Variants in CCDC158 observed in about 807,000 individuals in gnomAD.
The protein encoded by CCDC158 is coiled-coil domain-containing protein 158.
CCDC158 carries 116 observed loss-of-function variants against 138.6 expected under a neutral mutation model. The ratio of observed to expected loss-of-function variants is 0.84; its 90% CI spans 0.72 to 0.98. The LOEUF (loss-of-function observed/expected upper bound fraction) is 0.98. Ranked by LOEUF, CCDC158 falls within the 50% of genes least tolerant of loss-of-function variation. The probability of loss-of-function intolerance (pLI) is 0.00; values close to 1 mark genes in which losing one functional copy is unlikely to be tolerated. For synonymous variants in CCDC158, 436 were observed against 442.4 expected (o/e 0.99, Z 0.18); for missense variants, 1,265 against 1,306.1 (o/e 0.97, Z 0.48).
intron 4 of CCDC158, among the ~76,000 whole-genome samples, chr4:76,388,132 T>G (rs1390272274): frequency 6.6e-6 from 1 of 152,070 alleles, no homozygotes; most frequent in Non-Finnish European, 1.5e-5. Flanking sequence ...GCTTCCGGGG[T>G]GACCTAGCAC....
intron 24 of CCDC158, among the ~76,000 whole-genome samples, chr4:76,321,990 G>A (rs1199684167): frequency 2.0e-5 from 3 of 151,612 alleles, no homozygotes; most frequent in South Asian, 2.1e-4. Context: ...TACGATGGAC[G>A]TTGAGGACTT....
chr4:76,413,910 T>A (rs1033859212), intron 1 of CCDC158, among the ~76,000 whole-genome samples: 1 of 152,220 alleles, frequency 6.6e-6, no homozygotes, highest in African/African-American at 2.4e-5. Flanking sequence ...TGGCTCTAGA[T>A]AAATTAGAAT....
intron 22 of CCDC158, among the ~76,000 whole-genome samples, chr4:76,328,681 G>A (rs1720744732): frequency 6.6e-6 from 1 of 152,184 alleles, no homozygotes; most frequent in Admixed American, 6.5e-5. Context: ...AGCAACATAA[G>A]GGAACAGGGC....
At chr4:76,392,656 A>G (rs1295700418) in intron 4 of CCDC158, among the ~76,000 whole-genome samples, 4 of 152,060 alleles carry the variant, frequency 2.6e-5, no homozygotes, top group Non-Finnish European at 5.9e-5. Flanking sequence ...ACATAGAGAA[A>G]GAAAGAAAGG....
At chr4:76,345,023 A>G in intron 18 of CCDC158, 1 of 1,380,356 alleles carries the variant, frequency 7.2e-7, no homozygotes, top group South Asian at 1.2e-5. Flanking sequence ...GAACTTCCTT[A>G]CTAATTATTA....
At chr4:76,328,565 T>C (rs1720733208) in intron 22 of CCDC158, among the ~76,000 whole-genome samples, 1 of 152,212 alleles carries the variant, frequency 6.6e-6, no homozygotes, top group Non-Finnish European at 1.5e-5. Context: ...ATAACAGGCA[T>C]GAGCCATCAC....
chr4:76,420,943 C>T (rs915740307), intron 1 of CCDC158, among the ~76,000 whole-genome samples, 22 bp downstream of exon 1: 3 of 152,170 alleles, frequency 2.0e-5, no homozygotes, highest in African/African-American at 7.2e-5. Context: ...TCCTCGTCTC[C>T]CGGGCCGCGC....
intron 8 of CCDC158, among the ~76,000 whole-genome samples, chr4:76,379,965 G>A (rs111253046): frequency 1.3e-4 from 20 of 151,996 alleles, no homozygotes; most frequent in East Asian, 5.8e-4. Flanking sequence ...TTCCTGCTCC[G>A]CCATGGTAAG....
intron 2 of CCDC158, among the ~76,000 whole-genome samples, chr4:76,409,804 C>A (rs1729146751): frequency 6.6e-6 from 1 of 151,624 alleles, no homozygotes; most frequent in Non-Finnish European, 1.5e-5. Flanking sequence ...GCACTCCAGC[C>A]TGGGTGACAG....
chr4:76,337,973 T>C (rs999035864), intron 18 of CCDC158, among the ~76,000 whole-genome samples: 1 of 151,990 alleles, frequency 6.6e-6, no homozygotes, highest in Non-Finnish European at 1.5e-5. Flanking sequence ...AGGTGAGTGA[T>C]GGGAGAGTGA....
At chr4:76,361,333 C>T (rs1195876647) in intron 13 of CCDC158, among the ~76,000 whole-genome samples, 1 of 152,186 alleles carries the variant, frequency 6.6e-6, no homozygotes, top group East Asian at 1.9e-4. Context: ...GAGGCTGAGG[C>T]AGGTGGATCA....
At chr4:76,341,008 C>T (rs1721998031) in intron 18 of CCDC158, among the ~76,000 whole-genome samples, 1 of 152,138 alleles carries the variant, frequency 6.6e-6, no homozygotes, top group African/African-American at 2.4e-5. Context: ...CAAGCTTATA[C>T]AATAAGTTGT....
At chr4:76,344,668 T>C (rs1002047876) in intron 18 of CCDC158, 4 of 1,612,826 alleles carry the variant, frequency 2.5e-6, no homozygotes, top group Admixed American at 3.3e-5. Context: ...ACACTGCCCA[T>C]GTTTCAGAGC....
At chr4:76,409,914 A>G (rs1190723166) in intron 2 of CCDC158, among the ~76,000 whole-genome samples, 1 of 151,950 alleles carries the variant, frequency 6.6e-6, no homozygotes, top group East Asian at 1.9e-4. Flanking sequence ...TGTTGCCAAA[A>G]AAAAAAAGGT....
At chr4:76,324,243 A>C (rs1720316142) in intron 23 of CCDC158, among the ~76,000 whole-genome samples, 1 of 150,304 alleles carries the variant, frequency 6.7e-6, no homozygotes, top group Non-Finnish European at 1.5e-5. Flanking sequence ...GCTGGAGTGC[A>C]ATCATGGGAT....
intron 10 of CCDC158, 86 bp downstream of exon 10, chr4:76,371,331 T>G: frequency 1.5e-6 from 2 of 1,353,472 alleles, no homozygotes; most frequent in African/African-American, 2.9e-5. Context: ...AATTTGTAAT[T>G]TTATAAAGGA....
intron 18 of CCDC158, among the ~76,000 whole-genome samples, chr4:76,337,462 T>C (rs1721624466): frequency 6.6e-6 from 1 of 152,184 alleles, no homozygotes; most frequent in Non-Finnish European, 1.5e-5. Flanking sequence ...CTGGGTGTGG[T>C]GGCTCATGCC....
intron 17 of CCDC158, 152 bp from the exon 18 acceptor site, chr4:76,351,273 G>A: frequency 2.9e-6 from 2 of 697,206 alleles, no homozygotes; most frequent in South Asian, 2.7e-5. Context: ...TCTTAAAATA[G>A]ACATATATTT....
chr4:76,314,420 G>A (rs1029043010), intron 24 of CCDC158, among the ~76,000 whole-genome samples: 2 of 152,228 alleles, frequency 1.3e-5, no homozygotes, highest in South Asian at 2.1e-4. Flanking sequence ...ACAGAGCAAC[G>A]TGTGGAGACT....
Sources: gnomAD v4.1 joint callset for allele counts (sites outside exome capture counted in the v4.1 genomes callset) on GRCh38, gnomAD v4.1.1 for gene constraint, MANE v1.5 for transcripts, NCBI Gene and HGNC (gene_info 2026-07-23, HGNC 2026-07-21) for gene names.